SLC13A1: variants seen among roughly 807,000 people sequenced by gnomAD.
SLC13A1 encodes the protein solute carrier family 13 member 1.
A neutral mutation model predicts 70.0 loss-of-function variants in SLC13A1; 65 were observed. The ratio of observed to expected loss-of-function variants is 0.93; its 90% CI spans 0.76 to 1.14. The LOEUF is 1.14. Among genes scored for constraint, SLC13A1 ranks in the 50% most tolerant of loss-of-function variants. The pLI, the probability that SLC13A1 is intolerant of heterozygous loss-of-function variation, is 0.00. For synonymous variants in SLC13A1, 275 were observed against 250.5 expected, an observed-to-expected ratio of 1.10 and a Z score of -0.92; for missense variants, 726 against 717.8, an observed-to-expected ratio of 1.01 and a Z score of -0.13.
rs548055087 is a variant in SLC13A1 at position 123,170,607 on chromosome 7, C to T, written c.365+1161G>A. On this transcript the variant is annotated intron_variant, in intron 3 of 14. Transcript: ENST00000194130. ...CCACTTCATTTTAAGAGTCAGATGA[C>T]GTCGTTTTGGTTTTTTTTGTTTGTT... 1.1e-4 allele frequency among the ~76,000 whole-genome samples: 16 copies of T among 146,290 alleles called. 1 individual carries two copies. The South Asian group carries it at 2.9e-3, about 26-fold the overall frequency.
intron 2 of SLC13A1, among the ~76,000 whole-genome samples, chr7:123,178,504 T>A (rs907672329): frequency 1.3e-4 from 20 of 152,282 alleles, no homozygotes; most frequent in African/African-American, 4.1e-4. Flanking sequence ...ACATACATTA[T>A]TTAATTTGAT....
chr7:123,176,721 C>G (rs1389048232), intron 2 of SLC13A1, among the ~76,000 whole-genome samples: 3 of 152,180 alleles, frequency 2.0e-5, no homozygotes, highest in Non-Finnish European at 4.4e-5. Flanking sequence ...ATTTGACACA[C>G]ATAATCATTG....
intron 2 of SLC13A1, among the ~76,000 whole-genome samples, chr7:123,174,303 T>G (rs2116578080): frequency 6.6e-6 from 1 of 152,250 alleles, no homozygotes; most frequent in Non-Finnish European, 1.5e-5. Flanking sequence ...CATTTGAATT[T>G]CCCACAAACA....
At chr7:123,172,227 G>A (rs17445780) in intron 2 of SLC13A1, among the ~76,000 whole-genome samples, 52,530 of 152,000 alleles carry the variant, frequency 0.35, 9,595 homozygotes, top group South Asian at 0.41. Flanking sequence ...ATTTGGGAAC[G>A]TTTTCAATCA....
chr7:123,129,065 T>C (rs932304181), intron 9 of SLC13A1, 119 bp from the exon 10 acceptor site: 15 of 738,604 alleles, frequency 2.0e-5, no homozygotes, highest in Non-Finnish European at 3.3e-5. Context: ...AAGAACTAGA[T>C]GTGTCAATAA....
chr7:123,132,032 AT>A (rs2116328136), intron 8 of SLC13A1, among the ~76,000 whole-genome samples: 1 of 152,274 alleles, frequency 6.6e-6, no homozygotes, highest in African/African-American at 2.4e-5. Context: ...TGTATCCTGC[AT>A]TGCTACCTGC....
intron 2 of SLC13A1, among the ~76,000 whole-genome samples, chr7:123,176,287 G>A (rs766124714): frequency 3.3e-5 from 5 of 152,180 alleles, no homozygotes; most frequent in Admixed American, 6.5e-5. Context: ...TCAGGCAGAT[G>A]TGTTTGTTTA....
At chr7:123,176,726 T>G (rs1795456948) in intron 2 of SLC13A1, among the ~76,000 whole-genome samples, 1 of 152,190 alleles carries the variant, frequency 6.6e-6, no homozygotes, top group South Asian at 2.1e-4. Flanking sequence ...ACACACATAA[T>G]CATTGCCTCA....
chr7:123,178,619 C>T (rs956856065), intron 2 of SLC13A1, among the ~76,000 whole-genome samples: 2 of 152,024 alleles, frequency 1.3e-5, no homozygotes, highest in East Asian at 1.9e-4. Flanking sequence ...ATTTTAAGCT[C>T]AGGTCTTATG....
At position 123,114,067 on chromosome 7, in the gene SLC13A1, G is replaced by C. The variant is rs1226027958; in HGVS notation, c.*1451C>G. 1 of 117,904 alleles carries C rather than the reference G, an allele frequency of 8.5e-6. No individual in the cohort carries two copies. The highest frequency in any genetic ancestry group is 2.8e-4 in the East Asian group (1 of 3,612). 7.3% of individuals were successfully genotyped at this position (117,904 alleles called of 1,614,324 possible). A position where few individuals can be genotyped will look rare whatever the true frequency, so the allele number is the denominator to read the frequency against. The stretch of plus-strand genomic sequence containing the variant: ...CCACTGCACTCCAGCCTGGGCGACA[G>C]AGCGAGACTCCGTCTCAAAAAAAAA... On this transcript the variant is annotated 3_prime_UTR_variant, in exon 15 of 15. Coordinates refer to ENST00000194130, the MANE Select transcript of SLC13A1 (RefSeq NM_022444.4).
At chr7:123,196,748 T>C (rs1796198871) in intron 1 of SLC13A1, among the ~76,000 whole-genome samples, 1 of 152,116 alleles carries the variant, frequency 6.6e-6, no homozygotes, top group Non-Finnish European at 1.5e-5. Context: ...AGAACTCTTC[T>C]GTTTGGCCTG....
At chr7:123,130,096 A>T (rs751580690) in intron 8 of SLC13A1, among the ~76,000 whole-genome samples, 1 of 152,166 alleles carries the variant, frequency 6.6e-6, no homozygotes, top group Non-Finnish European at 1.5e-5. Context: ...AAGTATGCTA[A>T]ACTCGAGTTT....
intron 6 of SLC13A1, among the ~76,000 whole-genome samples, chr7:123,147,537 C>CCTCTCTCT (rs112153839): frequency 1.4e-5 from 2 of 147,852 alleles, no homozygotes; most frequent in African/African-American, 5.0e-5. Context: ...GAGCTTGATT[C>CCTCTCTCT]CTCTCTCTCT....
At chr7:123,166,966 G>A (rs1795098203) in intron 6 of SLC13A1, among the ~76,000 whole-genome samples, 1 of 152,200 alleles carries the variant, frequency 6.6e-6, no homozygotes, top group Non-Finnish European at 1.5e-5. Flanking sequence ...CTGGCCATCA[G>A]AGAAATGCAA....
At chr7:123,126,826 T>C (rs1303877637) in intron 10 of SLC13A1, among the ~76,000 whole-genome samples, 1 of 152,062 alleles carries the variant, frequency 6.6e-6, no homozygotes, top group African/African-American at 2.4e-5. Context: ...TTTGGCAAAT[T>C]GGGCCAGGCA....
intron 7 of SLC13A1, among the ~76,000 whole-genome samples, chr7:123,143,804 G>A (rs1381218098): frequency 6.6e-6 from 1 of 152,116 alleles, no homozygotes; most frequent in Non-Finnish European, 1.5e-5. Flanking sequence ...CCACCATCTT[G>A]CTCTGCCCCT....
At chr7:123,197,473 A>T (rs1310803170) in intron 1 of SLC13A1, among the ~76,000 whole-genome samples, 2 of 152,120 alleles carry the variant, frequency 1.3e-5, no homozygotes, top group Non-Finnish European at 1.5e-5. Flanking sequence ...ACTTCTCCTT[A>T]AATTTTATAC....
intron 1 of SLC13A1, among the ~76,000 whole-genome samples, chr7:123,190,182 A>G (rs1795949427): frequency 6.6e-6 from 1 of 152,182 alleles, no homozygotes; most frequent in East Asian, 1.9e-4. Flanking sequence ...AGTATACTAT[A>G]AGAGACATAC....
intron 11 of SLC13A1, among the ~76,000 whole-genome samples, chr7:123,123,625 T>C (rs1793462388): frequency 6.6e-6 from 1 of 152,196 alleles, no homozygotes; most frequent in African/African-American, 2.4e-5. Flanking sequence ...TAATATTCCA[T>C]TGGTTCCAAT....
Sources: allele counts gnomAD v4.1 joint callset (sites outside exome capture counted in the v4.1 genomes callset), GRCh38; gene constraint gnomAD v4.1.1; transcripts MANE v1.5; gene names NCBI Gene and HGNC (gene_info 2026-07-23, HGNC 2026-07-21).